Variants in LRRTM4 observed in about 807,000 individuals in gnomAD.
The protein encoded by LRRTM4 is leucine rich repeat transmembrane neuronal 4, also known as leucine-rich repeat transmembrane neuronal protein 4.
A neutral mutation model predicts 47.6 loss-of-function variants in LRRTM4; 25 were observed. The ratio of observed to expected loss-of-function variants is 0.53; its 90% CI spans 0.38 to 0.73. LRRTM4 has a LOEUF of 0.73. LRRTM4 is among the 30% of genes least tolerant of loss of function. The pLI, the probability that LRRTM4 is intolerant of heterozygous loss-of-function variation, is 0.00. For missense variants in LRRTM4, 638 were observed against 713.4 expected, an observed-to-expected ratio of 0.89 and a Z score of 1.20; for synonymous variants, 311 against 269.5, an observed-to-expected ratio of 1.15 and a Z score of -1.51.
At chr2:77,062,187 T>C (rs1679808813) in intron 3 of LRRTM4, among the ~76,000 whole-genome samples, 2 of 152,288 alleles carry the variant, frequency 1.3e-5, no homozygotes, top group African/African-American at 4.8e-5. Flanking sequence ...ATTTACATTA[T>C]TGGACACTCC....
chr2:76,880,117 G>A (rs4606961), intron 3 of LRRTM4, among the ~76,000 whole-genome samples: 1 of 152,150 alleles, frequency 6.6e-6, no homozygotes, highest in Non-Finnish European at 1.5e-5. Context: ...AATATCACAT[G>A]AATTTTGTTG....
chr2:77,016,610 C>A (rs1162255322), intron 3 of LRRTM4, among the ~76,000 whole-genome samples: 1 of 152,134 alleles, frequency 6.6e-6, no homozygotes, highest in Non-Finnish European at 1.5e-5. Flanking sequence ...TCTCTCTTCT[C>A]ACGCTAGGTA....
chr2:77,456,482 A>G (rs1257295588), intron 3 of LRRTM4, among the ~76,000 whole-genome samples: 1 of 151,980 alleles, frequency 6.6e-6, no homozygotes, highest in Non-Finnish European at 1.5e-5. Context: ...ATTCCTTTTG[A>G]CTCATTCATT....
intron 3 of LRRTM4, among the ~76,000 whole-genome samples, chr2:77,425,729 A>C (rs894067521): frequency 2.0e-5 from 3 of 152,140 alleles, no homozygotes; most frequent in Non-Finnish European, 4.4e-5. Flanking sequence ...GGATATCTCA[A>C]ATCTCTACAT....
chr2:77,366,494 G>A (rs78694443), intron 3 of LRRTM4, among the ~76,000 whole-genome samples: 5,028 of 151,808 alleles, frequency 0.033, 110 homozygotes, highest in Non-Finnish European at 0.048. Flanking sequence ...GCTTGTCTCT[G>A]TAAGCAAATG....
chr2:77,496,827 C>T (rs182849442), intron 3 of LRRTM4, among the ~76,000 whole-genome samples: 53 of 151,600 alleles, frequency 3.5e-4, no homozygotes, highest in African/African-American at 1.2e-3. Context: ...GTGTTTCCTC[C>T]TCTTCAATTC....
intron 3 of LRRTM4, among the ~76,000 whole-genome samples, chr2:76,761,072 G>A (rs560972411): frequency 6.6e-6 from 1 of 152,160 alleles, no homozygotes; most frequent in Non-Finnish European, 1.5e-5. Flanking sequence ...TGATTCAAAT[G>A]TGCAACCTAG....
intron 3 of LRRTM4, among the ~76,000 whole-genome samples, chr2:77,436,171 T>A (rs1238696987): frequency 1.3e-5 from 2 of 152,142 alleles, no homozygotes; most frequent in Non-Finnish European, 2.9e-5. Flanking sequence ...TGCTGCATAT[T>A]CTTATGGGAC....
At chr2:77,400,948 T>G (rs1394134811) in intron 3 of LRRTM4, among the ~76,000 whole-genome samples, 1 of 151,946 alleles carries the variant, frequency 6.6e-6, no homozygotes, top group Non-Finnish European at 1.5e-5. Context: ...TATACAAAAT[T>G]CAAACTTCAG....
rs1030491471 is a variant in LRRTM4, at chr2:77,519,254, C to A, written c.615G>T (p.Leu205Phe). 1.4e-5 allele frequency: 23 copies of A among 1,613,212 alleles called. No homozygotes were observed. Among genetic ancestry groups the A allele is most frequent in the Admixed American group, 5.0e-5 (3 of 59,858 alleles). ...SLSRNAFAGL[L>F]KLKELHLEHN... ...GCTCCAGGTGGAGCTCCTTTAACTTCAAGAGGCCAGCAAATGCATTTCGGG... is the reference window on the plus strand; with the variant it reads ...GCTCCAGGTGGAGCTCCTTTAACTTAAAGAGGCCAGCAAATGCATTTCGGG... The change falls in exon 3 of 4, where the codon TTG becomes TTT. Residue 205 changes from leucine to phenylalanine, a missense_variant. By Grantham distance (22) the Leu-to-Phe change is conservative. Coordinates refer to ENST00000409884, the MANE Select transcript of LRRTM4 (RefSeq NM_001134745.3). The surrounding 1 kb of genome is among the most constrained non-coding windows in gnomAD (Gnocchi z 4.6).
Position 76,761,608 on chromosome 2 carries a change from T to C in LRRTM4, c.1552-12692A>G, listed in dbSNP as rs1166610259. On this transcript the variant is annotated intron_variant, in intron 3 of 3. Coordinates refer to ENST00000409884, the MANE Select transcript of LRRTM4 (RefSeq NM_001134745.3). ...TCACAATCTATTTCTTTTCTTTTTG[T>C]AAGTAATTTAATTTACTGAGATGGT... 2.0e-5 allele frequency among the ~76,000 whole-genome samples: 3 copies of C among 152,198 alleles called. No homozygotes were observed. In the East Asian group the frequency reaches 5.8e-4, roughly 29 times the overall value.
chr2:76,944,476 C>T (rs1241152668), intron 3 of LRRTM4, among the ~76,000 whole-genome samples: 3 of 152,084 alleles, frequency 2.0e-5, no homozygotes, highest in African/African-American at 4.8e-5. Flanking sequence ...CCAGTGATTT[C>T]TCCAGTACCT....
At chr2:76,836,732 G>A (rs1004772085) in intron 3 of LRRTM4, among the ~76,000 whole-genome samples, 2 of 151,988 alleles carry the variant, frequency 1.3e-5, no homozygotes, top group Non-Finnish European at 2.9e-5. Context: ...TAGCACAGCT[G>A]GGATTTCTAT....
intron 3 of LRRTM4, among the ~76,000 whole-genome samples, chr2:77,175,405 G>C (rs1178136356): frequency 6.6e-6 from 1 of 152,074 alleles, no homozygotes; most frequent in Non-Finnish European, 1.5e-5. Context: ...TCTAAGCCCA[G>C]GGCATAAAAT....
chr2:76,826,407 T>C (rs1671192401), intron 3 of LRRTM4, among the ~76,000 whole-genome samples: 1 of 151,456 alleles, frequency 6.6e-6, no homozygotes, highest in African/African-American at 2.4e-5. Context: ...ATGATCTAGT[T>C]TTGCATAAAA....
At chr2:76,994,813 T>G (rs1677141764) in intron 3 of LRRTM4, among the ~76,000 whole-genome samples, 1 of 151,990 alleles carries the variant, frequency 6.6e-6, no homozygotes, top group South Asian at 2.1e-4. Context: ...TTTTGATGAA[T>G]GTGTGAAATT....
At chr2:77,182,412 T>C (rs1673373578) in intron 3 of LRRTM4, among the ~76,000 whole-genome samples, 1 of 151,914 alleles carries the variant, frequency 6.6e-6, no homozygotes, top group South Asian at 2.1e-4. Flanking sequence ...CAACACACAC[T>C]GGGGCCTGTT....
rs560642688 is a variant in LRRTM4 at position 76,979,419 on chromosome 2, T to A, written c.1552-230503A>T. 2.3e-4 allele frequency among the ~76,000 whole-genome samples: 35 copies of A among 152,004 alleles called. No individual in the cohort carries two copies. In the South Asian group the frequency reaches 5.8e-3, roughly 25 times the overall value. On this transcript the variant is annotated intron_variant, in intron 3 of 3. Transcript: ENST00000409884. ...ATTGCATGTGACCAAGGTGCTCATATGTTAGACAAATAGAAAAGTGAGTAC... is the reference window on the plus strand; with the variant it reads ...ATTGCATGTGACCAAGGTGCTCATAAGTTAGACAAATAGAAAAGTGAGTAC...
rs565824862 is a variant in LRRTM4, at chr2:77,349,849, G to A, written c.1551+168469C>T. 1.1e-3 allele frequency among the ~76,000 whole-genome samples: 168 copies of A among 152,178 alleles called. 1 individual carries two copies. The highest frequency in any genetic ancestry group is 1.9e-3 in the Non-Finnish European group (131 of 67,986). On this transcript the variant is annotated intron_variant, in intron 3 of 3. Transcript: ENST00000409884. ...TAACAGATTATAAATTACTTAACTA[G>A]TGTTTTTAAAGCTAGCTAGTTAGCT... is the stretch of plus-strand genomic sequence containing the variant.
Sources: allele counts gnomAD v4.1 joint callset (sites outside exome capture counted in the v4.1 genomes callset), GRCh38; gene constraint gnomAD v4.1.1; non-coding constraint Gnocchi (gnomAD v3.1); transcripts MANE v1.5; gene names NCBI Gene and HGNC (gene_info 2026-07-23, HGNC 2026-07-21).